The following KCTD8 variants were observed in gnomAD, a reference collection of about 807,000 sequenced individuals.
The protein encoded by KCTD8 is BTB/POZ domain-containing protein KCTD8.
In KCTD8, 27 loss-of-function variants were observed where a neutral mutation model predicts 31.5. That is an observed-to-expected ratio of 0.86 (90% CI 0.63 to 1.18). The LOEUF is 1.18. Among genes scored for constraint, KCTD8 ranks in the 50% most tolerant of loss-of-function variants. The probability of loss-of-function intolerance (pLI) is 0.00; values close to 1 mark genes in which losing one functional copy is unlikely to be tolerated. For synonymous variants in KCTD8, 290 were observed against 280.0 expected (o/e 1.04, Z -0.36); for missense variants, 658 against 647.7 (o/e 1.02, Z -0.17).
intron 1 of KCTD8, among the ~76,000 whole-genome samples, chr4:44,283,956 C>A (rs1383189781): frequency 6.6e-6 from 1 of 152,006 alleles, no homozygotes; most frequent in Non-Finnish European, 1.5e-5. Flanking sequence ...AAGTACAGAC[C>A]ACTGCTCAAG....
intron 1 of KCTD8, among the ~76,000 whole-genome samples, chr4:44,390,163 G>GT (rs1720331547): frequency 6.6e-6 from 1 of 152,040 alleles, no homozygotes; most frequent in South Asian, 2.1e-4. Flanking sequence ...ATTTATTACT[G>GT]TTTTTGTTGC....
chr4:44,174,744 A>G lies in KCTD8; in HGVS notation c.*46T>C. The G allele has an allele frequency of 7.1e-7, 1 of 1,407,690 alleles. No homozygotes were observed. Among genetic ancestry groups the G allele is most frequent in the South Asian group, 1.3e-5 (1 of 75,948 alleles). The allele number at this position is 1,407,690 out of a possible 1,614,324, so 87.2% of individuals were successfully genotyped here. A position where few individuals can be genotyped will look rare whatever the true frequency, so the allele number is the denominator to read the frequency against. ...GACATCAGTCAGGTGGTGACACTGT[A>G]GTAAACATTGAATGTCATCAAAATA... On this transcript the variant is annotated 3_prime_UTR_variant, in exon 2 of 2. Coordinates refer to ENST00000360029, the MANE Select transcript of KCTD8 (RefSeq NM_198353.3).
intron 1 of KCTD8, among the ~76,000 whole-genome samples, chr4:44,233,351 G>A (rs776308694): frequency 5.3e-5 from 8 of 152,010 alleles, no homozygotes; most frequent in African/African-American, 7.2e-5. Context: ...CTTCAATTTA[G>A]AGCGTTTCCG....
At chr4:44,300,050 G>A (rs1196783368) in intron 1 of KCTD8, among the ~76,000 whole-genome samples, 2 of 151,976 alleles carry the variant, frequency 1.3e-5, no homozygotes, top group Non-Finnish European at 2.9e-5. Context: ...GCACTCGGCC[G>A]CCTTAGGTGA....
At position 44,448,342 on chromosome 4, in the gene KCTD8, G is replaced by A. The variant is rs1480174204; in HGVS notation, c.182C>T (p.Thr61Met). ...AGTACTGTCCGGGACGCTGAGCAGC[G>A]TCGAGTGCTTGGTCACATAAACCTG... is the stretch of plus-strand genomic sequence containing the variant. ...GGQVYVTKHS[T>M]LLSVPDSTLA... Residue 61 changes from threonine to methionine, a missense_variant, in exon 1 of 2, where the codon ACG becomes ATG. Thr to Met is a moderately conservative substitution (Grantham distance 81, BLOSUM62 -1). Transcript: ENST00000360029. The surrounding 1 kb of genome is among the most constrained non-coding windows in gnomAD (Gnocchi z 4.1). The A allele has an allele frequency of 6.3e-7, 1 of 1,595,362 alleles. No individual in the cohort carries two copies. The highest frequency in any genetic ancestry group is 1.4e-5 in the African/African-American group (1 of 74,052).
intron 1 of KCTD8, among the ~76,000 whole-genome samples, chr4:44,286,733 T>A (rs934857595): frequency 7.9e-5 from 12 of 152,152 alleles, no homozygotes; most frequent in African/African-American, 2.9e-4. Flanking sequence ...TGATCTTCTC[T>A]GTGTTTTAAG....
intron 1 of KCTD8, among the ~76,000 whole-genome samples, chr4:44,244,379 A>G (rs977366763): frequency 2.0e-5 from 3 of 152,104 alleles, no homozygotes; most frequent in Non-Finnish European, 4.4e-5. Flanking sequence ...CATGCTGAGT[A>G]CTTTGAACTA....
chr4:44,362,687 G>A (rs1159817972), intron 1 of KCTD8, among the ~76,000 whole-genome samples: 3 of 151,604 alleles, frequency 2.0e-5, no homozygotes, highest in South Asian at 2.1e-4. Context: ...ATACTACAGA[G>A]AATTTACTCA....
chr4:44,280,075 A>G (rs879670443), intron 1 of KCTD8, among the ~76,000 whole-genome samples: 8 of 152,118 alleles, frequency 5.3e-5, no homozygotes, highest in Admixed American at 5.3e-4. Flanking sequence ...TGGAGAAGAC[A>G]CTATGAAATT....
chr4:44,204,114 G>A (rs1714232147), intron 1 of KCTD8, among the ~76,000 whole-genome samples: 1 of 151,860 alleles, frequency 6.6e-6, no homozygotes, highest in Admixed American at 6.6e-5. Context: ...TACCACAATA[G>A]TTCTAAATAA....
At chr4:44,319,959 G>A (rs1180519307) in intron 1 of KCTD8, among the ~76,000 whole-genome samples, 1 of 151,858 alleles carries the variant, frequency 6.6e-6, no homozygotes, top group Non-Finnish European at 1.5e-5. Context: ...ATTACCTGAG[G>A]TCATGAGTTC....
chr4:44,382,572 C>CA (rs1038222495), intron 1 of KCTD8, among the ~76,000 whole-genome samples: 10 of 151,126 alleles, frequency 6.6e-5, no homozygotes, highest in Admixed American at 2.6e-4. Flanking sequence ...ACTTAAAATA[C>CA]AAAAAAAATT....
intron 1 of KCTD8, among the ~76,000 whole-genome samples, chr4:44,364,139 A>C (rs1719569671): frequency 6.6e-6 from 1 of 152,210 alleles, no homozygotes; most frequent in Non-Finnish European, 1.5e-5. Flanking sequence ...TAAGACAATG[A>C]AAATGCAAGT....
intron 1 of KCTD8, among the ~76,000 whole-genome samples, chr4:44,438,037 T>G (rs1721716499): frequency 6.6e-6 from 1 of 152,120 alleles, no homozygotes; most frequent in South Asian, 2.1e-4. Flanking sequence ...CAAAAGTCAC[T>G]TTGGAATCAT....
At chr4:44,341,872 T>C (rs1718906801) in intron 1 of KCTD8, among the ~76,000 whole-genome samples, 1 of 152,194 alleles carries the variant, frequency 6.6e-6, no homozygotes, top group Non-Finnish European at 1.5e-5. Flanking sequence ...CAGAAGACTG[T>C]AAATTTACTT....
rs1259544907 is a variant in KCTD8 at position 44,365,261 on chromosome 4, T to TA, written c.961+82301dup. ...AATAAAGTCTATTAATACTTTTCAATAAAAAAAATTGTGAACGGTTTTATC... is the reference window on the plus strand; with the variant it reads ...AATAAAGTCTATTAATACTTTTCAATAAAAAAAAATTGTGAACGGTTTTATC... On this transcript the variant is annotated intron_variant, in intron 1 of 1. Transcript: ENST00000360029. Among the ~76,000 whole-genome samples the TA allele has an allele frequency of 7.9e-5, 12 of 151,954 alleles. No homozygotes were observed. The East Asian group carries it at 1.2e-3, about 15-fold the overall frequency.
chr4:44,443,510 A>G (rs1433812003), intron 1 of KCTD8, among the ~76,000 whole-genome samples: 1 of 152,240 alleles, frequency 6.6e-6, no homozygotes, highest in Non-Finnish European at 1.5e-5. Flanking sequence ...AAGAGTGGAT[A>G]TAAAAATTCA....
At chr4:44,297,078 A>T (rs549148033) in intron 1 of KCTD8, among the ~76,000 whole-genome samples, 11 of 152,214 alleles carry the variant, frequency 7.2e-5, no homozygotes, top group African/African-American at 2.6e-4. Flanking sequence ...TATGCCAAGC[A>T]CTGGGTTGAC....
At chr4:44,180,379 A>G (rs1713343749) in intron 1 of KCTD8, among the ~76,000 whole-genome samples, 1 of 152,194 alleles carries the variant, frequency 6.6e-6, no homozygotes, top group Non-Finnish European at 1.5e-5. Context: ...AAATAGGTAC[A>G]CCTAGAAACT....
Sources: allele counts gnomAD v4.1 joint callset (sites outside exome capture counted in the v4.1 genomes callset), GRCh38; gene constraint gnomAD v4.1.1; non-coding constraint Gnocchi (gnomAD v3.1); transcripts MANE v1.5; gene names NCBI Gene and HGNC (gene_info 2026-07-23, HGNC 2026-07-21).